Variants in PCDHA6 observed in about 807,000 individuals in gnomAD.
The protein encoded by PCDHA6 is protocadherin alpha-6.
In PCDHA6, 55 loss-of-function variants were observed where a neutral mutation model predicts 60.3. That is an observed-to-expected ratio of 0.91 (90% CI 0.73 to 1.14). PCDHA6 has a LOEUF of 1.14. Ranked by LOEUF, PCDHA6 falls within the 50% of genes most tolerant of loss-of-function variation. PCDHA6 has a pLI of 0.00. For synonymous variants in PCDHA6, 652 were observed against 557.9 expected (o/e 1.17, Z -2.38); for missense variants, 1,327 against 1,256.5 (o/e 1.06, Z -0.85).
rs1451807345 is a variant in PCDHA6, at chr5:140,860,140, T to A, written c.2394+29655T>A. 3 of 150,428 alleles carry A rather than the reference T, an allele frequency of 2.0e-5. No homozygotes were observed. The South Asian group carries it at 6.2e-4, about 31-fold the overall frequency. 9.3% of individuals were successfully genotyped at this position (150,428 alleles called of 1,614,324 possible). On this transcript the variant is annotated intron_variant, in intron 1 of 3. Transcript: ENST00000529310. ...CTTGTACTGTGTGTGTGTGTATATA[T>A]ATGTATATATGTGTATATATATATG...
At chr5:140,924,183 A>G (rs1554201796) in intron 1 of PCDHA6, among the ~76,000 whole-genome samples, 1 of 152,230 alleles carries the variant, frequency 6.6e-6, no homozygotes, top group Non-Finnish European at 1.5e-5. Context: ...GAAGCAGAAA[A>G]TTAGTTTTGG....
intron 1 of PCDHA6, among the ~76,000 whole-genome samples, chr5:140,915,155 G>T (rs941034401): frequency 1.3e-5 from 2 of 151,934 alleles, no homozygotes; most frequent in Non-Finnish European, 2.9e-5. Flanking sequence ...CACCATGTTG[G>T]CCAGGATAGT....
chr5:140,877,015 G>A, intron 1 of PCDHA6: 1 of 1,612,474 alleles, frequency 6.2e-7, no homozygotes, highest in Non-Finnish European at 8.5e-7. Context: ...CGCGGAGAGC[G>A]GCAAGGTGTA....
rs1314619067 is a variant in PCDHA6 at position 140,835,422 on chromosome 5, G to A, written c.2394+4937G>A. On this transcript the variant is annotated intron_variant, in intron 1 of 3. Transcript: ENST00000529310. The stretch of plus-strand genomic sequence containing the variant: ...GGAAGTTGTGGATGTAAATGACAAT[G>A]CTCCACAGTTGACTCTCACTTCCCT... 1.4e-5 allele frequency: 23 copies of A among 1,613,834 alleles called. No individual in the cohort carries two copies. The highest frequency in any genetic ancestry group is 1.9e-5 in the Non-Finnish European group (22 of 1,179,890).
Position 140,858,384 on chromosome 5 carries a change from T to C in PCDHA6, c.2394+27899T>C, listed in dbSNP as rs782413045. 1.8e-5 allele frequency: 29 copies of C among 1,582,610 alleles called. 1 individual carries two copies. The East Asian group carries it at 3.6e-4, about 20-fold the overall frequency. ...AGCCCCAGCCTTCCACCATGCCCAA[T>C]GGTAGATGTGGACGGGGAAGATCAG... On this transcript the variant is annotated intron_variant, in intron 1 of 3. Coordinates refer to ENST00000529310, the MANE Select transcript of PCDHA6 (RefSeq NM_018909.4).
rs1554148728 is a variant in PCDHA6, at chr5:140,856,447, C to T, written c.2394+25962C>T. On this transcript the variant is annotated intron_variant, in intron 1 of 3. Transcript: ENST00000529310. ...TTAACGACAACCCGCCCAGGTTCTC[C>T]GTAACAGAACAAAAGCTCTCAATAC... 8 of 1,598,330 alleles carry T rather than the reference C, an allele frequency of 5.0e-6. 1 individual carries two copies. The highest frequency in any genetic ancestry group is 6.8e-6 in the Non-Finnish European group (8 of 1,167,884).
intron 1 of PCDHA6, chr5:140,866,748 C>CT (rs2049539198): frequency 6.6e-6 from 1 of 152,148 alleles, no homozygotes; most frequent in Non-Finnish European, 1.5e-5. Context: ...ACTTATATGA[C>CT]TAACAGGACA....
At chr5:140,840,556 G>A (rs1378989097) in intron 1 of PCDHA6, among the ~76,000 whole-genome samples, 4 of 152,028 alleles carry the variant, frequency 2.6e-5, no homozygotes, top group Non-Finnish European at 5.9e-5. Flanking sequence ...TGGCAATACT[G>A]CTAGAGTTTG....
intron 3 of PCDHA6, among the ~76,000 whole-genome samples, chr5:140,999,676 C>T: frequency 6.6e-6 from 1 of 152,086 alleles, no homozygotes; most frequent in East Asian, 1.9e-4. Flanking sequence ...GGGGGGCTCA[C>T]AGAAAGAAGA....
chr5:140,853,936 A>G, intron 1 of PCDHA6: 1 of 845,796 alleles, frequency 1.2e-6, no homozygotes, highest in Non-Finnish European at 1.5e-6. Context: ...TGGGAGGCCA[A>G]GGTGGGAGGG....
intron 1 of PCDHA6, among the ~76,000 whole-genome samples, chr5:140,940,745 T>C (rs1554213585): frequency 6.6e-6 from 1 of 152,260 alleles, no homozygotes; most frequent in Non-Finnish European, 1.5e-5. Flanking sequence ...CATATTTTTA[T>C]GTGTGCCAAC....
In PCDHA6 at chr5:140,856,006, T is replaced by C. The variant is rs782149074; in HGVS notation, c.2394+25521T>C. ...AAAATGTCAGATCGTATGTGCGTTC[T>C]AGACCGCTGATTCGTCGATTTGTAA... is the stretch of plus-strand genomic sequence containing the variant. On this transcript the variant is annotated intron_variant, in intron 1 of 3. Coordinates refer to ENST00000529310, the MANE Select transcript of PCDHA6 (RefSeq NM_018909.4). The C allele has an allele frequency of 9.1e-6, 14 of 1,540,444 alleles. No individual in the cohort carries two copies. The African/African-American group carries it at 1.4e-4, about 15-fold the overall frequency.
intron 1 of PCDHA6, among the ~76,000 whole-genome samples, chr5:140,978,306 A>C (rs2096795659): frequency 6.6e-6 from 1 of 152,230 alleles, no homozygotes; most frequent in Non-Finnish European, 1.5e-5. Flanking sequence ...GCACTCAGGA[A>C]GGAGCAGGAA....
Position 140,963,857 on chromosome 5 carries a change from G to A in PCDHA6, c.2395-15092G>A, listed in dbSNP as rs181224305. The stretch of plus-strand genomic sequence containing the variant: ...TTCTCATGTAATCATAATAATAACC[G>A]TATGAGTTTTGCTTACTATTGTTTT... On this transcript the variant is annotated intron_variant, in intron 1 of 3. Transcript: ENST00000529310. Among the ~76,000 whole-genome samples the A allele has an allele frequency of 5.3e-5, 8 of 152,252 alleles. 1 individual carries two copies. The East Asian group carries it at 7.7e-4, about 15-fold the overall frequency.
chr5:140,834,686 G>A (rs2150224361), intron 1 of PCDHA6: 2 of 1,614,276 alleles, frequency 1.2e-6, no homozygotes, highest in Non-Finnish European at 1.7e-6. Context: ...GGAGCGCGGA[G>A]TGCAGCATCC....
chr5:140,954,771 T>C (rs1314345691), intron 1 of PCDHA6, among the ~76,000 whole-genome samples: 2 of 152,230 alleles, frequency 1.3e-5, no homozygotes, highest in African/African-American at 4.8e-5. Context: ...AGCTCTTTAA[T>C]TTAATTAGAT....
intron 1 of PCDHA6, among the ~76,000 whole-genome samples, chr5:140,915,001 AGT>A (rs1563002922): frequency 6.9e-6 from 1 of 144,988 alleles, no homozygotes; most frequent in Non-Finnish European, 1.5e-5. Flanking sequence ...GCTGGAGTGC[AGT>A]GGCCTGATCT....
Position 140,829,585 on chromosome 5 carries a change from G to C in PCDHA6, c.1494G>C (p.Arg498=). Residue 498 remains arginine (R), a synonymous_variant, in exon 1 of 4, where the codon CGG becomes CGC. Transcript: ENST00000529310. The part of the protein sequence containing the change: ...ALVSYSLVER[R]VGERALSSYI... Reference sequence around the variant, plus strand: ...TGTCCTACTCGCTGGTGGAGCGGCGGGTGGGCGAGCGCGCGTTGTCGAGCT... The same window carrying C: ...TGTCCTACTCGCTGGTGGAGCGGCGCGTGGGCGAGCGCGCGTTGTCGAGCT... The C allele has an allele frequency of 1.2e-6, 2 of 1,612,244 alleles. No homozygotes were observed. Among genetic ancestry groups the C allele is most frequent in the Non-Finnish European group, 8.5e-7 (1 of 1,179,798 alleles).
intron 1 of PCDHA6, among the ~76,000 whole-genome samples, chr5:140,896,083 T>G (rs1202809868): frequency 6.6e-6 from 1 of 152,184 alleles, no homozygotes; most frequent in African/African-American, 2.4e-5. Context: ...CATGCTGGGA[T>G]TACAGGCGTG....
Sources: gnomAD v4.1 joint callset for allele counts (sites outside exome capture counted in the v4.1 genomes callset) on GRCh38, gnomAD v4.1.1 for gene constraint, MANE v1.5 for transcripts, NCBI Gene and HGNC (gene_info 2026-07-23, HGNC 2026-07-21) for gene names.